ALCAM: variants seen among roughly 807,000 people sequenced by gnomAD.
The protein encoded by ALCAM is CD166 antigen.
Under a neutral mutation model 70.9 loss-of-function variants are expected in ALCAM, and 30 were observed. The observed-to-expected ratio is 0.42, with a 90% confidence interval of 0.32 to 0.57. The LOEUF is 0.57. ALCAM is among the 20% of genes least tolerant of loss of function. ALCAM has a pLI of 0.11. For synonymous variants in ALCAM, 249 were observed against 242.5 expected (o/e 1.03, Z -0.25); for missense variants, 591 against 695.1 (o/e 0.85, Z 1.68).
At chr3:105,396,096 A>G (rs1441341750) in intron 1 of ALCAM, among the ~76,000 whole-genome samples, 2 of 152,000 alleles carry the variant, frequency 1.3e-5, no homozygotes, top group Non-Finnish European at 2.9e-5. Context: ...AAGCACAATA[A>G]TAACTGCCTA....
chr3:105,505,089 C>G (rs1437219482), intron 1 of ALCAM, among the ~76,000 whole-genome samples: 1 of 152,224 alleles, frequency 6.6e-6, no homozygotes, highest in Non-Finnish European at 1.5e-5. Context: ...TTGCTACACT[C>G]TGCTGCTAAT....
intron 1 of ALCAM, among the ~76,000 whole-genome samples, chr3:105,384,428 G>A (rs760313405): frequency 6.6e-6 from 1 of 151,316 alleles, no homozygotes; most frequent in Non-Finnish European, 1.5e-5. Flanking sequence ...TATAAGCTTT[G>A]TTTTATTTCC....
chr3:105,494,950 T>A (rs745919350), intron 1 of ALCAM, among the ~76,000 whole-genome samples: 4 of 152,128 alleles, frequency 2.6e-5, no homozygotes, highest in Non-Finnish European at 5.9e-5. Flanking sequence ...CATGAACCAC[T>A]GCACCTGGAC....
At chr3:105,424,322 G>T (rs545925946) in intron 1 of ALCAM, among the ~76,000 whole-genome samples, 2 of 151,748 alleles carry the variant, frequency 1.3e-5, no homozygotes, top group South Asian at 4.1e-4. Flanking sequence ...TTTGCAAGGA[G>T]CCATGCTATC....
At chr3:105,388,427 A>G (rs1230857480) in intron 1 of ALCAM, among the ~76,000 whole-genome samples, 6 of 151,608 alleles carry the variant, frequency 4.0e-5, no homozygotes, top group Non-Finnish European at 7.4e-5. Context: ...TTTGAGGAAG[A>G]CTCAGGGACT....
chr3:105,481,358 A>T (rs1178863856), intron 1 of ALCAM, among the ~76,000 whole-genome samples: 1 of 152,108 alleles, frequency 6.6e-6, no homozygotes, highest in Non-Finnish European at 1.5e-5. Flanking sequence ...TTGATTACTC[A>T]CAGCTTAATG....
chr3:105,476,747 G>A lies in ALCAM; in HGVS notation c.74-43320G>A, dbSNP rs116540041. On this transcript the variant is annotated intron_variant, in intron 1 of 15. Coordinates refer to ENST00000306107, the MANE Select transcript of ALCAM (RefSeq NM_001627.4). Reference sequence around the variant, plus strand: ...AACATTTGTTCACCTTTGTTCTTTCGTTTAGTCTCCAAAGACATATACAAT... The same window carrying A: ...AACATTTGTTCACCTTTGTTCTTTCATTTAGTCTCCAAAGACATATACAAT... 4.3e-3 allele frequency among the ~76,000 whole-genome samples: 651 copies of A among 152,030 alleles called. 4 individuals are homozygous for A. The highest frequency in any genetic ancestry group is 0.014 in the African/African-American group (566 of 41,484).
intron 1 of ALCAM, among the ~76,000 whole-genome samples, chr3:105,514,456 G>T (rs1939327227): frequency 6.6e-6 from 1 of 151,792 alleles, no homozygotes; most frequent in African/African-American, 2.4e-5. Flanking sequence ...ATCAGGCTAA[G>T]GTAAATTAAG....
At chr3:105,454,190 C>G (rs1937499639) in intron 1 of ALCAM, among the ~76,000 whole-genome samples, 1 of 152,056 alleles carries the variant, frequency 6.6e-6, no homozygotes, top group Non-Finnish European at 1.5e-5. Flanking sequence ...AAGTGTTTTG[C>G]TTTTGTTGTC....
intron 8 of ALCAM, among the ~76,000 whole-genome samples, chr3:105,543,092 G>C (rs1309315531): frequency 6.6e-6 from 1 of 151,640 alleles, no homozygotes; most frequent in Admixed American, 6.6e-5. Flanking sequence ...CAATAATCTA[G>C]TGCCTTAGAG....
intron 1 of ALCAM, among the ~76,000 whole-genome samples, chr3:105,399,115 T>A (rs1460570666): frequency 1.3e-5 from 2 of 152,164 alleles, no homozygotes; most frequent in Non-Finnish European, 2.9e-5. Flanking sequence ...GTCATTTTTT[T>A]AAAATGCTAC....
At chr3:105,487,481 A>G (rs1264504424) in intron 1 of ALCAM, among the ~76,000 whole-genome samples, 1 of 152,164 alleles carries the variant, frequency 6.6e-6, no homozygotes, top group Non-Finnish European at 1.5e-5. Flanking sequence ...TATAAGAAGA[A>G]AATGAAGTGT....
rs188738488 is a variant in ALCAM at position 105,506,205 on chromosome 3, G to A, written c.74-13862G>A. On this transcript the variant is annotated intron_variant, in intron 1 of 15. Transcript: ENST00000306107. Reference sequence around the variant, plus strand: ...ACTAATAGTTATATTTGCATGTTGAGGCTTCCTGCAATTCACAAAACATAA... The same window carrying A: ...ACTAATAGTTATATTTGCATGTTGAAGCTTCCTGCAATTCACAAAACATAA... Among the ~76,000 whole-genome samples, 87 of 152,220 alleles carry A rather than the reference G, an allele frequency of 5.7e-4. 1 individual carries two copies. Among genetic ancestry groups the A allele is most frequent in the Non-Finnish European group, 8.8e-5 (6 of 67,988 alleles).
At chr3:105,470,478 T>C (rs1308359857) in intron 1 of ALCAM, among the ~76,000 whole-genome samples, 1 of 151,246 alleles carries the variant, frequency 6.6e-6, no homozygotes, top group Non-Finnish European at 1.5e-5. Flanking sequence ...AACAAGTGTT[T>C]AGGGGTTAAA....
intron 1 of ALCAM, among the ~76,000 whole-genome samples, chr3:105,383,430 A>G (rs183021301): frequency 3.3e-4 from 50 of 151,952 alleles, no homozygotes; most frequent in African/African-American, 1.1e-3. Flanking sequence ...CTCAGTACAT[A>G]CATGACAATT....
intron 1 of ALCAM, among the ~76,000 whole-genome samples, chr3:105,493,289 C>T (rs1171859578): frequency 1.3e-5 from 2 of 151,986 alleles, no homozygotes; most frequent in Non-Finnish European, 2.9e-5. Flanking sequence ...ATGCTTATGT[C>T]AATAAAATAG....
chr3:105,561,934 A>G (rs1340488792), intron 14 of ALCAM, among the ~76,000 whole-genome samples: 1 of 152,290 alleles, frequency 6.6e-6, no homozygotes, highest in Admixed American at 6.5e-5. Context: ...GGCTCACCCA[A>G]ACTTTAGTGT....
intron 1 of ALCAM, among the ~76,000 whole-genome samples, chr3:105,393,318 A>G (rs1935869519): frequency 6.6e-6 from 1 of 151,824 alleles, no homozygotes; most frequent in Non-Finnish European, 1.5e-5. Flanking sequence ...TAAAAAAAAA[A>G]TCACCCAAAC....
intron 1 of ALCAM, among the ~76,000 whole-genome samples, chr3:105,432,226 A>G (rs1334354634): frequency 1.3e-5 from 2 of 152,184 alleles, no homozygotes. Flanking sequence ...GTTTGTTTAA[A>G]TTAAGCTTTA....
Sources: gnomAD v4.1 joint callset for allele counts (sites outside exome capture counted in the v4.1 genomes callset) on GRCh38, gnomAD v4.1.1 for gene constraint, MANE v1.5 for transcripts, NCBI Gene and HGNC (gene_info 2026-07-23, HGNC 2026-07-21) for gene names.